Variants in MAGI1 observed in about 807,000 individuals in gnomAD.
MAGI1 encodes membrane-associated guanylate kinase, WW and PDZ domain-containing protein 1.
In MAGI1, 58 loss-of-function variants were observed where a neutral mutation model predicts 139.9. That is an observed-to-expected ratio of 0.41 (90% CI 0.34 to 0.52). MAGI1 has a LOEUF of 0.52. Among genes scored for constraint, MAGI1 ranks in the 20% least tolerant of loss-of-function variants. The probability of loss-of-function intolerance (pLI) is 0.12; values close to 1 mark genes in which losing one functional copy is unlikely to be tolerated. For missense variants in MAGI1, 1,874 were observed against 1,901.6 expected, an observed-to-expected ratio of 0.99 and a Z score of 0.27; for synonymous variants, 812 against 737.9, an observed-to-expected ratio of 1.10 and a Z score of -1.63.
chr3:65,616,261 T>G (rs1353094078), intron 2 of MAGI1, among the ~76,000 whole-genome samples: 2 of 150,828 alleles, frequency 1.3e-5, no homozygotes, highest in African/African-American at 4.9e-5. Flanking sequence ...GTGGGAGGAG[T>G]CCCCGTATCA....
At chr3:65,672,645 T>C (rs2086934594) in intron 1 of MAGI1, among the ~76,000 whole-genome samples, 2 of 152,128 alleles carry the variant, frequency 1.3e-5, no homozygotes, top group African/African-American at 4.8e-5. Context: ...AAGGAGAAAA[T>C]GTCCTGGATT....
intron 1 of MAGI1, among the ~76,000 whole-genome samples, chr3:65,890,329 C>T (rs577049041): frequency 6.6e-6 from 1 of 152,334 alleles, no homozygotes; most frequent in African/African-American, 2.4e-5. Flanking sequence ...AGCGCCACTG[C>T]ACTTCAGCCT....
intron 2 of MAGI1, among the ~76,000 whole-genome samples, chr3:65,592,453 T>C (rs557615292): frequency 6.6e-6 from 1 of 152,256 alleles, no homozygotes; most frequent in East Asian, 1.9e-4. Context: ...AAACATATTA[T>C]ACCATCTTCC....
chr3:65,447,141 A>T (rs1469954629), intron 7 of MAGI1, among the ~76,000 whole-genome samples: 2 of 152,212 alleles, frequency 1.3e-5, no homozygotes, highest in African/African-American at 4.8e-5. Flanking sequence ...ACAATCTTCA[A>T]TTGCTAAAGA....
intron 1 of MAGI1, among the ~76,000 whole-genome samples, chr3:65,807,291 G>C (rs1045253390): frequency 1.3e-5 from 2 of 152,158 alleles, no homozygotes; most frequent in Non-Finnish European, 2.9e-5. Context: ...GTCTGGCAAG[G>C]ACTTCATCTC....
At chr3:65,486,657 G>A (rs758226093) in intron 3 of MAGI1, among the ~76,000 whole-genome samples, 2 of 152,154 alleles carry the variant, frequency 1.3e-5, no homozygotes, top group Non-Finnish European at 2.9e-5. Context: ...ACAGAATGAG[G>A]AGCTGGTTCA....
chr3:65,898,100 T>C (rs2108608019), intron 1 of MAGI1, among the ~76,000 whole-genome samples: 1 of 152,336 alleles, frequency 6.6e-6, no homozygotes, highest in African/African-American at 2.4e-5. Flanking sequence ...ATGCTTGTGA[T>C]TAGACTGACC....
At chr3:65,455,304 G>A (rs887837397) in intron 5 of MAGI1, among the ~76,000 whole-genome samples, 1 of 152,066 alleles carries the variant, frequency 6.6e-6, no homozygotes, top group Non-Finnish European at 1.5e-5. Flanking sequence ...GGTCCCTCAC[G>A]TTGCTCTTTT....
chr3:65,702,094 C>T (rs1184777526), intron 1 of MAGI1, among the ~76,000 whole-genome samples: 1 of 152,100 alleles, frequency 6.6e-6, no homozygotes, highest in East Asian at 1.9e-4. Flanking sequence ...CTGAAGATGA[C>T]AAATCTGAAG....
intron 1 of MAGI1, among the ~76,000 whole-genome samples, chr3:65,686,485 T>G (rs190013881): frequency 1.5e-3 from 224 of 152,006 alleles, no homozygotes; most frequent in African/African-American, 4.8e-3. Flanking sequence ...TAGAGACAGG[T>G]TTTCACCGTG....
chr3:65,631,821 C>T (rs748951934), intron 1 of MAGI1, among the ~76,000 whole-genome samples: 10 of 152,008 alleles, frequency 6.6e-5, no homozygotes, highest in African/African-American at 9.7e-5. Flanking sequence ...GTCAGCAGTT[C>T]GAGACCATCC....
Position 65,583,925 on chromosome 3 carries a change from T to C in MAGI1, c.430+38047A>G, listed in dbSNP as rs150805496. On this transcript the variant is annotated intron_variant, in intron 2 of 22. Coordinates refer to ENST00000402939, the MANE Select transcript of MAGI1 (RefSeq NM_001033057.2). ...ACTAGTCTTTCAAAGGTGAAACAGA[T>C]CACAAGAATATGAAAGGCAGTTCAA... Among the ~76,000 whole-genome samples the C allele has an allele frequency of 2.1e-3, 326 of 152,070 alleles. 2 individuals carry two copies. The highest frequency in any genetic ancestry group is 0.01 in the Middle Eastern group (3 of 294).
At chr3:65,459,615 G>A (rs901403264) in intron 5 of MAGI1, among the ~76,000 whole-genome samples, 3 of 151,954 alleles carry the variant, frequency 2.0e-5, no homozygotes, top group African/African-American at 7.3e-5. Context: ...TCTTTATCTT[G>A]AACTATAACC....
intron 2 of MAGI1, among the ~76,000 whole-genome samples, chr3:65,515,188 T>G (rs947142561): frequency 7.2e-6 from 1 of 139,588 alleles, no homozygotes; most frequent in East Asian, 2.3e-4. Context: ...AGGGATAGCA[T>G]TGGGAGATAT....
At chr3:65,660,627 A>G (rs924741849) in intron 1 of MAGI1, among the ~76,000 whole-genome samples, 20 of 152,340 alleles carry the variant, frequency 1.3e-4, no homozygotes, top group Admixed American at 1.2e-3. Flanking sequence ...AATGAACCCA[A>G]TATTTGTTCT....
chr3:65,980,092 A>G (rs1183804996), intron 1 of MAGI1, among the ~76,000 whole-genome samples: 1 of 152,154 alleles, frequency 6.6e-6, no homozygotes, highest in African/African-American at 2.4e-5. Context: ...TTAATTATAC[A>G]AGCAAACAGT....
intron 1 of MAGI1, among the ~76,000 whole-genome samples, chr3:66,012,294 A>G (rs1194763562): frequency 6.6e-6 from 1 of 152,142 alleles, no homozygotes; most frequent in Non-Finnish European, 1.5e-5. Flanking sequence ...AATAAAAAGG[A>G]ATTACACCAT....
intron 1 of MAGI1, among the ~76,000 whole-genome samples, chr3:65,916,099 C>T (rs1029231147): frequency 1.3e-5 from 2 of 150,332 alleles, no homozygotes; most frequent in African/African-American, 4.9e-5. Flanking sequence ...CAGAGTCTTG[C>T]TCTGTTGCTC....
rs558660787 is a variant in MAGI1, at chr3:65,423,515, T to TA, written c.2167+6004dup. 2.5e-4 allele frequency among the ~76,000 whole-genome samples: 38 copies of TA among 152,352 alleles called. No homozygotes were observed. In the East Asian group the frequency reaches 7.3e-3, roughly 29 times the overall value. On this transcript the variant is annotated intron_variant, in intron 12 of 22. Transcript: ENST00000402939. ...ATCATCAGTAAATTTTGATGAGAATTAAGAGGCATTACTTTGCCCACAGAC... is the reference window on the plus strand; with the variant it reads ...ATCATCAGTAAATTTTGATGAGAATTAAAGAGGCATTACTTTGCCCACAGAC...
Sources: gnomAD v4.1 joint callset for allele counts (sites outside exome capture counted in the v4.1 genomes callset) on GRCh38, gnomAD v4.1.1 for gene constraint, MANE v1.5 for transcripts, NCBI Gene and HGNC (gene_info 2026-07-23, HGNC 2026-07-21) for gene names.